PRP4K: variants seen among roughly 807,000 people sequenced by gnomAD.
PRP4K encodes serine/threonine-protein kinase PRP4 homolog.
the PRP4K span, chr6:4,021,552 C>T: frequency 6.5e-7 from 1 of 1,528,542 alleles, no homozygotes; most frequent in Non-Finnish European, 8.9e-7. Context: ...AAGTTCGGGC[C>T]TAACGGCGAG....
chr6:4,037,231 C>G, the PRP4K span, among the ~76,000 whole-genome samples: 1 of 152,070 alleles, frequency 6.6e-6, no homozygotes, highest in Non-Finnish European at 1.5e-5. Flanking sequence ...GCAATAACAC[C>G]AAAATATCAC....
At chr6:4,042,669 G>C in the PRP4K span, 103 of 777,078 alleles carry the variant, frequency 1.3e-4, no homozygotes, top group Middle Eastern at 2.7e-4. Context: ...CCTTAGAAAA[G>C]GATAGTATAT....
the PRP4K span, among the ~76,000 whole-genome samples, chr6:4,030,914 C>T: frequency 0.17 from 25,955 of 152,134 alleles, 2,632 homozygotes; most frequent in African/African-American, 0.26. Flanking sequence ...TTTATACTAT[C>T]ACCATCATCA....
the PRP4K span, chr6:4,040,690 A>T: frequency 2.9e-6 from 4 of 1,363,676 alleles, no homozygotes; most frequent in East Asian, 7.2e-5. Flanking sequence ...GAATTTCTAT[A>T]TATCCCCTGT....
At chr6:4,038,919 C>CTTTTTTTTTTT in the PRP4K span, among the ~76,000 whole-genome samples, 1 of 144,332 alleles carries the variant, frequency 6.9e-6, no homozygotes. Context: ...AATTTTTGTG[C>CTTTTTTTTTTT]TTTTTTTTTT....
the PRP4K span, among the ~76,000 whole-genome samples, chr6:4,057,654 T>C: frequency 6.6e-6 from 1 of 152,126 alleles, no homozygotes; most frequent in African/African-American, 2.4e-5. Flanking sequence ...AATATCTTTC[T>C]AACTCACCGC....
the PRP4K span, chr6:4,032,209 A>T: frequency 6.2e-7 from 1 of 1,614,060 alleles, no homozygotes; most frequent in Non-Finnish European, 8.5e-7. Context: ...AAAAGAAGTA[A>T]GTCTCAAGAT....
At chr6:4,044,037 G>C in the PRP4K span, 8 of 1,606,298 alleles carry the variant, frequency 5.0e-6, no homozygotes, top group Non-Finnish European at 6.8e-6. Context: ...AGAGAGTTTT[G>C]TCCTGGCGAC....
At chr6:4,032,512 A>G in the PRP4K span, 1 of 1,613,940 alleles carries the variant, frequency 6.2e-7, no homozygotes, top group Non-Finnish European at 8.5e-7. Flanking sequence ...CCCTCTAAAG[A>G]TGCTTCATCT....
At chr6:4,050,986 T>C in the PRP4K span, among the ~76,000 whole-genome samples, 2 of 152,116 alleles carry the variant, frequency 1.3e-5, no homozygotes, top group South Asian at 2.1e-4. Flanking sequence ...CTCGGCTCAC[T>C]GTAACCTCTG....
the PRP4K span, among the ~76,000 whole-genome samples, chr6:4,041,754 A>ACG: frequency 1.8e-4 from 28 of 152,036 alleles, no homozygotes; most frequent in East Asian, 3.3e-3. Context: ...ACACACACAC[A>ACG]CAAAAAGAAC....
chr6:4,037,325 G>A, the PRP4K span: 6 of 1,353,290 alleles, frequency 4.4e-6, no homozygotes, highest in Non-Finnish European at 5.9e-6. Flanking sequence ...TCTTACAGAT[G>A]TTCTTTGCAT....
At chr6:4,064,362 T>G in the PRP4K span, 1 of 152,626 alleles carries the variant, frequency 6.6e-6, no homozygotes, top group Non-Finnish European at 1.5e-5. Context: ...ATTCCTCTTA[T>G]GCTTTACCTG....
the PRP4K span, chr6:4,060,652 CA>C: frequency 6.4e-7 from 1 of 1,551,654 alleles, no homozygotes; most frequent in African/African-American, 1.4e-5. The surrounding 1 kb of genome is among the most constrained non-coding windows in gnomAD (Gnocchi z 4.7). Flanking sequence ...TGAGTAAATA[CA>C]AAGACTGAAG....
At chr6:4,056,214 G>T in the PRP4K span, 8 of 713,320 alleles carry the variant, frequency 1.1e-5, no homozygotes, top group Non-Finnish European at 1.4e-5. Flanking sequence ...GAATGTCTTT[G>T]TTCTCAGTAT....
chr6:4,030,283 A>G, the PRP4K span, among the ~76,000 whole-genome samples: 2 of 152,086 alleles, frequency 1.3e-5, no homozygotes, highest in Non-Finnish European at 2.9e-5. Context: ...ATGCTTACCC[A>G]TGGTTGGTGA....
chr6:4,051,937 AAT>A, the PRP4K span: 2 of 1,452,776 alleles, frequency 1.4e-6, no homozygotes, highest in South Asian at 1.3e-5. Flanking sequence ...ATTTTACCCC[AAT>A]TTTTTTTTTT....
the PRP4K span, among the ~76,000 whole-genome samples, chr6:4,030,926 T>G: frequency 1.3e-5 from 2 of 152,224 alleles, no homozygotes; most frequent in African/African-American, 4.8e-5. Flanking sequence ...CCATCATCAG[T>G]ATCAGCTACC....
At chr6:4,035,822 C>A in the PRP4K span, among the ~76,000 whole-genome samples, 2 of 152,024 alleles carry the variant, frequency 1.3e-5, no homozygotes, top group Non-Finnish European at 2.9e-5. Context: ...ATAAAATTAG[C>A]TGGACGTGGT....
Sources: gnomAD v4.1 joint callset for allele counts (sites outside exome capture counted in the v4.1 genomes callset) on GRCh38, gnomAD v4.1.1 for gene constraint, Gnocchi (gnomAD v3.1) non-coding constraint, MANE v1.5 for transcripts, NCBI Gene and HGNC (gene_info 2026-07-23, HGNC 2026-07-21) for gene names.